Variants in EXOC4 observed in about 807,000 individuals in gnomAD.
EXOC4 encodes the protein exocyst complex component 4.
A neutral mutation model predicts 107.2 loss-of-function variants in EXOC4; 71 were observed. The ratio of observed to expected loss-of-function variants is 0.66; its 90% CI spans 0.55 to 0.81. The LOEUF (loss-of-function observed/expected upper bound fraction) is 0.81. EXOC4 is among the 30% of genes least tolerant of loss of function. The pLI, the probability that EXOC4 is intolerant of heterozygous loss-of-function variation, is 0.00. For missense variants in EXOC4, 1,108 were observed against 1,189.6 expected, an observed-to-expected ratio of 0.93 and a Z score of 1.01; for synonymous variants, 456 against 441.2, an observed-to-expected ratio of 1.03 and a Z score of -0.42.
chr7:133,762,637 C>T (rs1796056218), intron 10 of EXOC4, among the ~76,000 whole-genome samples: 1 of 151,934 alleles, frequency 6.6e-6, no homozygotes, highest in Non-Finnish European at 1.5e-5. Flanking sequence ...GGAAAACAAA[C>T]TAAATAGCAA....
chr7:133,823,279 A>G (rs992647580), intron 11 of EXOC4, among the ~76,000 whole-genome samples: 6 of 152,098 alleles, frequency 3.9e-5, no homozygotes, highest in African/African-American at 1.2e-4. Context: ...TGCACTTTCC[A>G]CTTATATCTG....
At chr7:133,898,419 C>T (rs7793798) in intron 12 of EXOC4, among the ~76,000 whole-genome samples, 1,676 of 152,128 alleles carry the variant, frequency 0.011, 23 homozygotes, top group African/African-American at 0.038. Context: ...AACGTCTCAT[C>T]TACCAAAAGA....
intron 9 of EXOC4, among the ~76,000 whole-genome samples, chr7:133,567,419 C>A (rs751978937): frequency 2.0e-5 from 3 of 151,778 alleles, no homozygotes; most frequent in Non-Finnish European, 4.4e-5. Flanking sequence ...ATTTATATAA[C>A]CAGTCCTGTG....
At chr7:133,629,657 C>T (rs1802541538) in intron 9 of EXOC4, among the ~76,000 whole-genome samples, 1 of 151,990 alleles carries the variant, frequency 6.6e-6, no homozygotes, top group Non-Finnish European at 1.5e-5. Flanking sequence ...TCTCCTGCCT[C>T]AACCTCCCAA....
intron 14 of EXOC4, among the ~76,000 whole-genome samples, chr7:133,949,740 T>C (rs1411221120): frequency 6.6e-6 from 1 of 150,846 alleles, no homozygotes; most frequent in Admixed American, 6.7e-5. Context: ...CATTGTTCAT[T>C]ATTTAGTGTT....
At chr7:133,450,836 T>A (rs1167415317) in intron 7 of EXOC4, among the ~76,000 whole-genome samples, 1 of 152,254 alleles carries the variant, frequency 6.6e-6, no homozygotes, top group East Asian at 1.9e-4. Context: ...TTACAAAAGA[T>A]GATTCTCTTT....
chr7:133,668,959 A>T (rs1242887465), intron 10 of EXOC4, among the ~76,000 whole-genome samples: 2 of 148,998 alleles, frequency 1.3e-5, no homozygotes, highest in African/African-American at 4.9e-5. Context: ...GATAGGAGTG[A>T]ATATGTGGGT....
At chr7:133,374,009 T>C (rs1163586848) in intron 6 of EXOC4, among the ~76,000 whole-genome samples, 1 of 152,110 alleles carries the variant, frequency 6.6e-6, no homozygotes, top group Non-Finnish European at 1.5e-5. Context: ...AAAAGATGAT[T>C]CCAGGCCTGT....
chr7:133,541,863 G>A lies in EXOC4; in HGVS notation c.1417+61725G>A, dbSNP rs868701999. ...TTGGGACTAATTTTTTGGGAAAGAA[G>A]TTTTCCCCAGGCACTGTACCCTGTG... On this transcript the variant is annotated intron_variant, in intron 9 of 17. Transcript: ENST00000253861. 1.2e-3 allele frequency among the ~76,000 whole-genome samples: 176 copies of A among 152,154 alleles called. 1 individual carries two copies. Among genetic ancestry groups the A allele is most frequent in the African/African-American group, 3.7e-3 (155 of 41,508 alleles).
intron 5 of EXOC4, among the ~76,000 whole-genome samples, chr7:133,351,464 T>C (rs1795907437): frequency 6.6e-6 from 1 of 152,012 alleles, no homozygotes. Flanking sequence ...ATCTATGTTA[T>C]ATAACTTGGT....
chr7:133,906,172 C>T (rs1585238573), intron 12 of EXOC4, among the ~76,000 whole-genome samples: 1 of 152,158 alleles, frequency 6.6e-6, no homozygotes, highest in Non-Finnish European at 1.5e-5. Context: ...ATAGCACAGA[C>T]TAGACACTAG....
chr7:133,851,806 T>C (rs1320598055), intron 11 of EXOC4, among the ~76,000 whole-genome samples: 6 of 152,166 alleles, frequency 3.9e-5, no homozygotes, highest in East Asian at 3.9e-4. Context: ...TAGGTGGCCA[T>C]TGGAAGATTT....
chr7:133,404,480 G>A (rs1375408624), intron 7 of EXOC4, among the ~76,000 whole-genome samples: 1 of 152,046 alleles, frequency 6.6e-6, no homozygotes, highest in Non-Finnish European at 1.5e-5. Flanking sequence ...TCTGGCCTTG[G>A]AAGCTGTGCA....
chr7:133,257,227 A>G (rs1469642671), intron 1 of EXOC4, among the ~76,000 whole-genome samples: 1 of 127,800 alleles, frequency 7.8e-6, no homozygotes, highest in Non-Finnish European at 1.6e-5. Flanking sequence ...GCCCTTTAAA[A>G]TGGAACTAAC....
chr7:133,665,357 T>C (rs1793788444), intron 10 of EXOC4, among the ~76,000 whole-genome samples: 1 of 152,172 alleles, frequency 6.6e-6, no homozygotes, highest in Non-Finnish European at 1.5e-5. Context: ...CTTCATAAAT[T>C]GCTGTAAACA....
At chr7:133,253,825 C>T (rs970208189) in intron 1 of EXOC4, 2 of 152,168 alleles carry the variant, frequency 1.3e-5, no homozygotes, top group African/African-American at 2.4e-5. Context: ...CATGCACTGC[C>T]CCTCTGCACC....
At chr7:133,485,309 A>G (rs1799249890) in intron 9 of EXOC4, among the ~76,000 whole-genome samples, 1 of 151,704 alleles carries the variant, frequency 6.6e-6, no homozygotes, top group African/African-American at 2.4e-5. Flanking sequence ...CATTCATTTC[A>G]CTTGATCTTT....
intron 1 of EXOC4, 149 bp downstream of exon 1, chr7:133,253,336 A>G: frequency 7.2e-7 from 1 of 1,388,114 alleles, no homozygotes; most frequent in Non-Finnish European, 9.3e-7. Flanking sequence ...ACCCCTCCCC[A>G]GGGCCCCAGC....
At chr7:133,334,963 G>T (rs900525811) in intron 5 of EXOC4, among the ~76,000 whole-genome samples, 1 of 152,056 alleles carries the variant, frequency 6.6e-6, no homozygotes, top group Admixed American at 6.6e-5. Context: ...TCTTTATCTG[G>T]TCTGTCATCG....
Sources: gnomAD v4.1 joint callset for allele counts (sites outside exome capture counted in the v4.1 genomes callset) on GRCh38, gnomAD v4.1.1 for gene constraint, MANE v1.5 for transcripts, NCBI Gene and HGNC (gene_info 2026-07-23, HGNC 2026-07-21) for gene names.